CDH8: variants seen among roughly 807,000 people sequenced by gnomAD.
CDH8 encodes the protein cadherin-8.
CDH8 carries 17 observed loss-of-function variants against 68.1 expected under a neutral mutation model. The ratio of observed to expected loss-of-function variants is 0.25; its 90% CI spans 0.17 to 0.37. The LOEUF (loss-of-function observed/expected upper bound fraction) is 0.37, where lower values mean the gene tolerates loss of function less well. Among genes scored for constraint, CDH8 ranks in the 10% least tolerant of loss-of-function variants. The probability of loss-of-function intolerance (pLI) is 1.00; values close to 1 mark genes in which losing one functional copy is unlikely to be tolerated. For synonymous variants in CDH8, 372 were observed against 365.1 expected (o/e 1.02, Z -0.21); for missense variants, 763 against 999.3 (o/e 0.76, Z 3.19).
At chr16:61,761,252 G>A (rs1157993778) in intron 8 of CDH8, among the ~76,000 whole-genome samples, 1 of 152,122 alleles carries the variant, frequency 6.6e-6, no homozygotes, top group Non-Finnish European at 1.5e-5. Context: ...CAAACACAAT[G>A]TTGCATGGGT....
chr16:61,819,709 A>C (rs1962165928), intron 6 of CDH8, among the ~76,000 whole-genome samples: 1 of 152,060 alleles, frequency 6.6e-6, no homozygotes. Flanking sequence ...TTAGAGCAAG[A>C]CCATTGGAAA....
intron 2 of CDH8, among the ~76,000 whole-genome samples, chr16:61,977,267 C>T (rs1965451885): frequency 6.6e-6 from 1 of 152,036 alleles, no homozygotes; most frequent in African/African-American, 2.4e-5. Context: ...ATAATAAATG[C>T]TCAAAAGTGT....
At chr16:61,731,451 C>G (rs867323126) in intron 8 of CDH8, among the ~76,000 whole-genome samples, 1 of 151,684 alleles carries the variant, frequency 6.6e-6, no homozygotes, top group African/African-American at 2.4e-5. Context: ...ATTAAACAAC[C>G]TTAATAGCTG....
chr16:61,647,801 T>A lies in CDH8; in HGVS notation c.*5807A>T, dbSNP rs1253745071. On this transcript the variant is annotated 3_prime_UTR_variant, in exon 12 of 12. Coordinates refer to ENST00000577390, the MANE Select transcript of CDH8 (RefSeq NM_001796.5). ...CTCATTTCCTTTTCTGGTCCTGACC[T>A]CTGAGTTCATTGAAGCCATGGTTTT... 1.3e-5 allele frequency: 9 copies of A among 699,662 alleles called. No homozygotes were observed. The highest frequency in any genetic ancestry group is 2.1e-5 in the Non-Finnish European group (8 of 382,898). The allele number at this position is 699,662 out of a possible 1,614,324, so 43.3% of individuals were successfully genotyped here.
intron 8 of CDH8, among the ~76,000 whole-genome samples, chr16:61,754,146 C>T (rs1228981477): frequency 6.6e-6 from 1 of 152,114 alleles, no homozygotes; most frequent in Admixed American, 6.6e-5. Context: ...CGTCCTTCAG[C>T]TTCCACACAA....
At chr16:61,782,567 C>G (rs1183437237) in intron 8 of CDH8, among the ~76,000 whole-genome samples, 25 of 151,982 alleles carry the variant, frequency 1.6e-4, no homozygotes, top group African/African-American at 5.5e-4. Flanking sequence ...CCAGGAAGCT[C>G]GAACTGGGTG....
intron 4 of CDH8, among the ~76,000 whole-genome samples, chr16:61,842,744 C>T (rs1962713368): frequency 1.3e-5 from 2 of 152,114 alleles, no homozygotes; most frequent in African/African-American, 2.4e-5. Flanking sequence ...CAGTACTGCC[C>T]TACTTAACAG....
intron 10 of CDH8, among the ~76,000 whole-genome samples, chr16:61,681,414 A>T (rs1964010089): frequency 6.6e-6 from 1 of 151,994 alleles, no homozygotes; most frequent in Non-Finnish European, 1.5e-5. Context: ...ACATGAAATT[A>T]GACAAATACA....
chr16:61,943,992 C>T (rs1287956020), intron 2 of CDH8, among the ~76,000 whole-genome samples: 1 of 152,188 alleles, frequency 6.6e-6, no homozygotes, highest in Non-Finnish European at 1.5e-5. Context: ...AGCACATCAA[C>T]AGCATAGCTT....
chr16:61,768,425 TCTCCCTCTCC>T (rs1960689003), intron 8 of CDH8, among the ~76,000 whole-genome samples: 1 of 138,452 alleles, frequency 7.2e-6, no homozygotes. Context: ...TCTCTCTCTC[TCTCCCTCTCC>T]CTCTCTCTCT....
intron 9 of CDH8, among the ~76,000 whole-genome samples, chr16:61,722,545 T>C (rs1296793709): frequency 6.6e-6 from 1 of 150,886 alleles, no homozygotes; most frequent in Non-Finnish European, 1.5e-5. Flanking sequence ...GTAATAAATA[T>C]TGTCCAATAA....
chr16:61,971,616 C>T (rs1390734289), intron 2 of CDH8, among the ~76,000 whole-genome samples: 1 of 152,146 alleles, frequency 6.6e-6, no homozygotes, highest in Non-Finnish European at 1.5e-5. Flanking sequence ...TTTATGGAAG[C>T]TTCATGACAT....
chr16:61,878,818 G>A (rs779722409), intron 3 of CDH8, among the ~76,000 whole-genome samples: 1 of 152,082 alleles, frequency 6.6e-6, no homozygotes, highest in African/African-American at 2.4e-5. Flanking sequence ...TGCAGAGAAG[G>A]AAATTTACAC....
intron 7 of CDH8, among the ~76,000 whole-genome samples, chr16:61,799,704 A>C (rs1394339464): frequency 6.6e-6 from 1 of 152,194 alleles, no homozygotes; most frequent in Non-Finnish European, 1.5e-5. Flanking sequence ...ATAGAAAAAA[A>C]CATATTTGAG....
intron 2 of CDH8, among the ~76,000 whole-genome samples, chr16:61,974,157 T>A (rs1597101929): frequency 6.6e-6 from 1 of 152,098 alleles, no homozygotes; most frequent in Admixed American, 6.6e-5. Context: ...CAGAAACATA[T>A]AAAGAAATAC....
chr16:61,916,558 C>T (rs1964241934), intron 2 of CDH8, among the ~76,000 whole-genome samples: 1 of 151,976 alleles, frequency 6.6e-6, no homozygotes, highest in Non-Finnish European at 1.5e-5. Flanking sequence ...ATAGTAAAAA[C>T]GTTGTGTCTG....
At chr16:61,749,324 G>T (rs1487358924) in intron 8 of CDH8, among the ~76,000 whole-genome samples, 1 of 151,956 alleles carries the variant, frequency 6.6e-6, no homozygotes, top group Non-Finnish European at 1.5e-5. Context: ...ATCTTGCAAG[G>T]GTTTGAAAGA....
chr16:61,801,774 G>GA (rs933394592), intron 7 of CDH8, among the ~76,000 whole-genome samples: 2 of 152,200 alleles, frequency 1.3e-5, no homozygotes, highest in African/African-American at 4.8e-5. Context: ...AAAAAGCGGC[G>GA]AACCATGAGA....
At chr16:62,031,846 G>C (rs1348224568) in intron 1 of CDH8, 1 of 152,142 alleles carries the variant, frequency 6.6e-6, no homozygotes, top group Non-Finnish European at 1.5e-5. Context: ...GATTTAGTTA[G>C]CGGCAACATA....
Sources: allele counts gnomAD v4.1 joint callset (sites outside exome capture counted in the v4.1 genomes callset), GRCh38; gene constraint gnomAD v4.1.1; transcripts MANE v1.5; gene names NCBI Gene and HGNC (gene_info 2026-07-23, HGNC 2026-07-21).